The following VWA3B variants were observed in gnomAD, a reference collection of about 807,000 sequenced individuals.
VWA3B encodes the protein von Willebrand factor A domain containing 3B, also known as von Willebrand factor A domain-containing protein 3B.
Under a neutral mutation model 158.3 loss-of-function variants are expected in VWA3B, and 138 were observed. The observed-to-expected ratio is 0.87, with a 90% CI of 0.76 to 1.00. VWA3B has a LOEUF of 1.00. VWA3B is among the 50% of genes least tolerant of loss of function. The probability of loss-of-function intolerance (pLI) is 0.00; values close to 1 mark genes in which losing one functional copy is unlikely to be tolerated. For missense variants in VWA3B, 1,555 were observed against 1,565.1 expected (o/e 0.99, Z 0.11); for synonymous variants, 596 against 587.3 (o/e 1.01, Z -0.21).
intron 26 of VWA3B, among the ~76,000 whole-genome samples, chr2:98,310,895 A>T (rs1031806278): frequency 6.6e-6 from 1 of 152,218 alleles, no homozygotes; most frequent in African/African-American, 2.4e-5. Flanking sequence ...ATGTGCAGTG[A>T]ATCTTGATTC....
At chr2:98,290,366 C>T in intron 22 of VWA3B, 145 bp from the exon 23 acceptor site, 1 of 643,396 alleles carries the variant, frequency 1.6e-6, no homozygotes, top group Admixed American at 3.4e-5. Flanking sequence ...CCAGGCCCCA[C>T]CTCCAACACT....
intron 5 of VWA3B, among the ~76,000 whole-genome samples, chr2:98,124,440 T>C (rs1675203348): frequency 6.6e-6 from 1 of 151,934 alleles, no homozygotes; most frequent in South Asian, 2.1e-4. Flanking sequence ...GGCCAGAAAG[T>C]CGGTGGTGGT....
intron 22 of VWA3B, among the ~76,000 whole-genome samples, chr2:98,274,535 C>G (rs1688404460): frequency 6.6e-6 from 1 of 152,102 alleles, no homozygotes; most frequent in African/African-American, 2.4e-5. Flanking sequence ...AAAGAAACAG[C>G]CTGGGCTCAG....
At chr2:98,236,252 A>T (rs539586535) in intron 17 of VWA3B, 138 bp from the exon 18 acceptor site, 1 of 966,420 alleles carries the variant, frequency 1.0e-6, no homozygotes, top group Admixed American at 2.3e-5. Context: ...GCTCTGACAA[A>T]TCAGGATATG....
rs1158528618 is a variant in VWA3B, at chr2:98,125,513, T to C, written c.703-2726T>C. On this transcript the variant is annotated intron_variant, in intron 5 of 27. Transcript: ENST00000477737. The surrounding 1 kb of genome is among the most constrained non-coding windows in gnomAD (Gnocchi z 4.1). ...AACTGGGCATGGTAATAATTCATGC[T>C]CCACAGGACTGTTGTATTGAGTGAG... Among the ~76,000 whole-genome samples, 7 of 152,216 alleles carry C rather than the reference T, an allele frequency of 4.6e-5. No homozygotes were observed. Among genetic ancestry groups the C allele is most frequent in the African/African-American group, 1.7e-4 (7 of 41,452 alleles).
At chr2:98,250,275 C>A in intron 19 of VWA3B, 43 bp from the exon 20 acceptor site, 1 of 1,510,952 alleles carries the variant, frequency 6.6e-7, no homozygotes, top group Non-Finnish European at 9.1e-7. Context: ...CACGCATTAA[C>A]CTATCAAGTG....
intron 7 of VWA3B, among the ~76,000 whole-genome samples, chr2:98,145,191 C>T (rs777729997): frequency 2.6e-5 from 4 of 152,310 alleles, no homozygotes; most frequent in Middle Eastern, 3.4e-3. Flanking sequence ...ATACTCCAGA[C>T]TTCTATTTTA....
intron 22 of VWA3B, among the ~76,000 whole-genome samples, chr2:98,286,103 A>AT (rs574966922): frequency 0.039 from 5,921 of 152,078 alleles, 167 homozygotes; most frequent in Middle Eastern, 0.075. Context: ...AATACAGTTG[A>AT]TTTTTTCAGT....
chr2:98,136,555 G>C (rs1351335394), intron 7 of VWA3B, among the ~76,000 whole-genome samples: 1 of 151,814 alleles, frequency 6.6e-6, no homozygotes, highest in East Asian at 1.9e-4. Flanking sequence ...TGTATCTTTG[G>C]GAGGGGAGGA....
intron 20 of VWA3B, among the ~76,000 whole-genome samples, chr2:98,254,056 C>T (rs1686963671): frequency 6.6e-6 from 1 of 152,148 alleles, no homozygotes; most frequent in South Asian, 2.1e-4. Context: ...AAATTAGAGA[C>T]CTGTGCTAGC....
chr2:98,252,439 G>C (rs1686855768), intron 20 of VWA3B, among the ~76,000 whole-genome samples: 1 of 152,128 alleles, frequency 6.6e-6, no homozygotes, highest in East Asian at 1.9e-4. Context: ...TACCCGGCCT[G>C]TGAAAGCCTG....
intron 12 of VWA3B, among the ~76,000 whole-genome samples, chr2:98,195,254 C>T (rs1260015098): frequency 6.6e-6 from 1 of 152,162 alleles, no homozygotes; most frequent in Non-Finnish European, 1.5e-5. Context: ...TTGAGACCAG[C>T]CTGGGCAACA....
chr2:98,200,673 A>G (rs1024448265), intron 12 of VWA3B, among the ~76,000 whole-genome samples: 1 of 152,152 alleles, frequency 6.6e-6, no homozygotes, highest in Non-Finnish European at 1.5e-5. Flanking sequence ...TTCACTGTGT[A>G]TAAGTTTTTA....
At chr2:98,242,123 T>C in intron 19 of VWA3B, 1 of 398,410 alleles carries the variant, frequency 2.5e-6, no homozygotes. Context: ...TCCTCCTGTG[T>C]TCTGTGCACG....
intron 5 of VWA3B, among the ~76,000 whole-genome samples, chr2:98,126,969 C>T (rs780618823): frequency 2.2e-5 from 3 of 133,862 alleles, no homozygotes; most frequent in African/African-American, 5.4e-5. Context: ...TGAGGACTCC[C>T]GCCCCCCACC....
chr2:98,095,685 C>T (rs971865583), intron 2 of VWA3B, among the ~76,000 whole-genome samples: 3 of 152,164 alleles, frequency 2.0e-5, no homozygotes, highest in South Asian at 4.1e-4. Flanking sequence ...AAGTGGGCAT[C>T]GTTTTCTTCT....
intron 7 of VWA3B, among the ~76,000 whole-genome samples, chr2:98,138,279 C>A (rs897861242): frequency 4.6e-5 from 7 of 152,174 alleles, no homozygotes; most frequent in African/African-American, 7.2e-5. Context: ...TCCCGTCTGC[C>A]CTTTTAGGCT....
the VWA3B span, among the ~76,000 whole-genome samples, chr2:98,321,153 G>A: frequency 6.6e-6 from 1 of 152,256 alleles, no homozygotes; most frequent in Non-Finnish European, 1.5e-5. Flanking sequence ...TGTTGGGCCT[G>A]TGGGTGCAAA....
intron 7 of VWA3B, among the ~76,000 whole-genome samples, chr2:98,151,582 G>A (rs944952918): frequency 6.6e-6 from 1 of 152,142 alleles, no homozygotes; most frequent in Non-Finnish European, 1.5e-5. Flanking sequence ...GGAGGAAAGT[G>A]AACGTTTGAT....
Sources: allele counts gnomAD v4.1 joint callset (sites outside exome capture counted in the v4.1 genomes callset), GRCh38; gene constraint gnomAD v4.1.1; non-coding constraint Gnocchi (gnomAD v3.1); transcripts MANE v1.5; gene names NCBI Gene and HGNC (gene_info 2026-07-23, HGNC 2026-07-21).